The following BCL2 variants were observed in gnomAD, a reference collection of about 807,000 sequenced individuals.
BCL2 encodes the protein apoptosis regulator Bcl-2.
BCL2 carries 1 observed loss-of-function variant against 14.2 expected under a neutral mutation model. That is an observed-to-expected ratio of 0.07 (90% CI 0.02 to 0.33). BCL2 has a LOEUF of 0.33. BCL2 is among the 10% of genes least tolerant of loss of function. The pLI, the probability that BCL2 is intolerant of heterozygous loss-of-function variation, is 0.99. For missense variants in BCL2, 247 were observed against 305.9 expected (o/e 0.81, Z 1.44); for synonymous variants, 151 against 137.2 (o/e 1.10, Z -0.70).
chr18:63,211,312 C>T (rs1909996876), intron 2 of BCL2, among the ~76,000 whole-genome samples: 1 of 152,058 alleles, frequency 6.6e-6, no homozygotes, highest in South Asian at 2.1e-4. Flanking sequence ...CCTGTCTCAG[C>T]CTCCCAAGGT....
chr18:63,291,989 C>T (rs1250991346), intron 2 of BCL2, among the ~76,000 whole-genome samples: 1 of 152,044 alleles, frequency 6.6e-6, no homozygotes, highest in Admixed American at 6.6e-5. Context: ...GCTGGGCTCA[C>T]AGGAGAGCTA....
intron 2 of BCL2, among the ~76,000 whole-genome samples, chr18:63,154,210 C>T (rs749319305): frequency 2.0e-5 from 3 of 152,156 alleles, no homozygotes; most frequent in Non-Finnish European, 2.9e-5. Context: ...TATGGACACA[C>T]CATCACTGTC....
At chr18:63,254,383 TAAAAAAA>T (rs71162613) in intron 2 of BCL2, among the ~76,000 whole-genome samples, 4 of 38,412 alleles carry the variant, frequency 1.0e-4, no homozygotes, top group Non-Finnish European at 1.7e-4. Context: ...CTGTCTTTGC[TAAAAAAA>T]AAAAAAAAAA....
intron 2 of BCL2, among the ~76,000 whole-genome samples, chr18:63,168,631 T>A (rs954181806): frequency 6.6e-6 from 1 of 152,226 alleles, no homozygotes; most frequent in African/African-American, 2.4e-5. Flanking sequence ...CAGAATGCTA[T>A]GTGGCTAGCA....
At chr18:63,307,584 C>G (rs1913183662) in intron 2 of BCL2, among the ~76,000 whole-genome samples, 1 of 152,176 alleles carries the variant, frequency 6.6e-6, no homozygotes, top group African/African-American at 2.4e-5. Context: ...CAAGCTGTTA[C>G]AAAGCAGGAG....
chr18:63,177,002 G>A (rs969680895), intron 2 of BCL2, among the ~76,000 whole-genome samples: 17 of 150,598 alleles, frequency 1.1e-4, no homozygotes, highest in African/African-American at 3.9e-4. Context: ...CTGCAGCCTC[G>A]ACTTCCTGGG....
chr18:63,176,303 A>G (rs143380199), intron 2 of BCL2, among the ~76,000 whole-genome samples: 193 of 152,328 alleles, frequency 1.3e-3, no homozygotes, highest in African/African-American at 4.2e-3. Context: ...TTCTGACACT[A>G]GAGACCCAGT....
rs1013319984 is a variant in BCL2 at position 63,127,172 on chromosome 18, A to T, written c.*1453T>A. The T allele has an allele frequency of 4.4e-6, 1 of 229,756 alleles. No individual in the cohort carries two copies. Among genetic ancestry groups the T allele is most frequent in the Non-Finnish European group, 8.6e-6 (1 of 115,930 alleles). 14.2% of individuals were successfully genotyped at this position (229,756 alleles called of 1,614,324 possible). On this transcript the variant is annotated 3_prime_UTR_variant, in exon 3 of 3. Transcript: ENST00000333681. ...ACATGTAATTCCATAGACAGGGGTC[A>T]ATTAATCCATGACACCTCACTTCAA...
chr18:63,263,142 C>T (rs1911710095), intron 2 of BCL2, among the ~76,000 whole-genome samples: 1 of 152,184 alleles, frequency 6.6e-6, no homozygotes, highest in Admixed American at 6.5e-5. Context: ...GGACGGTGAG[C>T]TGACCTATCC....
rs959907351 is a variant in BCL2 at position 63,261,845 on chromosome 18, T to A, written c.585+56237A>T. 3.3e-5 allele frequency among the ~76,000 whole-genome samples: 5 copies of A among 151,910 alleles called. No homozygotes were observed. The East Asian group carries it at 9.6e-4, about 29-fold the overall frequency. ...CTCGCTCTGGAGTGCAGTGGCATGA[T>A]CCCAGGTCACTGCAACCTCTACCTC... On this transcript the variant is annotated intron_variant, in intron 2 of 2. Coordinates refer to ENST00000333681, the MANE Select transcript of BCL2 (RefSeq NM_000633.3).
intron 2 of BCL2, among the ~76,000 whole-genome samples, chr18:63,184,443 C>A (rs1193327864): frequency 1.3e-5 from 2 of 152,182 alleles, no homozygotes; most frequent in East Asian, 1.9e-4. Flanking sequence ...GGGTGTCAGC[C>A]CCTAAGAGAT....
intron 2 of BCL2, among the ~76,000 whole-genome samples, chr18:63,205,819 G>A (rs1204676289): frequency 2.0e-5 from 3 of 152,054 alleles, no homozygotes; most frequent in Admixed American, 6.6e-5. Context: ...CGAATAAGTG[G>A]ACCATGGGGA....
At chr18:63,218,639 A>C (rs916115110) in intron 2 of BCL2, among the ~76,000 whole-genome samples, 11 of 65,156 alleles carry the variant, frequency 1.7e-4, no homozygotes, top group African/African-American at 3.0e-4. Flanking sequence ...CCATCCACTC[A>C]TCCCATCCTC....
Position 63,149,834 on chromosome 18 carries a change from T to C in BCL2, c.586-21075A>G, listed in dbSNP as rs1914604575. On this transcript the variant is annotated intron_variant, in intron 2 of 2. Coordinates refer to ENST00000333681, the MANE Select transcript of BCL2 (RefSeq NM_000633.3). This position sits in a 1 kb window ranked among gnomAD's most constrained non-coding sequence, Gnocchi z 4.2. ...TGGCTCTCTACAGAAAGGGTTCTCC[T>C]GACATGAGGCATTTATTTATTTATT... Among the ~76,000 whole-genome samples the C allele has an allele frequency of 6.6e-6, 1 of 151,916 alleles. No homozygotes were observed. Among genetic ancestry groups the C allele is most frequent in the Non-Finnish European group, 1.5e-5 (1 of 68,016 alleles).
At chr18:63,175,835 C>T (rs371919931) in intron 2 of BCL2, among the ~76,000 whole-genome samples, 10 of 152,252 alleles carry the variant, frequency 6.6e-5, no homozygotes, top group South Asian at 2.1e-4. Flanking sequence ...GCCTGAGAGA[C>T]GGGCATCCTC....
intron 2 of BCL2, among the ~76,000 whole-genome samples, chr18:63,192,422 T>C (rs1325692550): frequency 6.6e-6 from 1 of 152,102 alleles, no homozygotes; most frequent in African/African-American, 2.4e-5. Flanking sequence ...GTGTAAGATT[T>C]TGGAAATCAG....
intron 2 of BCL2, chr18:63,315,868 T>C (rs1913481797): frequency 6.6e-6 from 1 of 152,186 alleles, no homozygotes; most frequent in African/African-American, 2.4e-5. Context: ...TATATATATA[T>C]ATTTTTTCTC....
At chr18:63,316,853 A>G (rs1178526930) in intron 2 of BCL2, 2 of 152,028 alleles carry the variant, frequency 1.3e-5, no homozygotes, top group Non-Finnish European at 2.9e-5. Flanking sequence ...GACATTAGTC[A>G]TTCTCCCAAG....
chr18:63,187,630 T>C (rs1007879554), intron 2 of BCL2, among the ~76,000 whole-genome samples: 5 of 152,036 alleles, frequency 3.3e-5, no homozygotes, highest in South Asian at 2.1e-4. Context: ...CCCCAGTAAA[T>C]AGCTGAATAA....
Sources: gnomAD v4.1 joint callset for allele counts (sites outside exome capture counted in the v4.1 genomes callset) on GRCh38, gnomAD v4.1.1 for gene constraint, Gnocchi (gnomAD v3.1) non-coding constraint, MANE v1.5 for transcripts, NCBI Gene and HGNC (gene_info 2026-07-23, HGNC 2026-07-21) for gene names.